Variants in TRAK1 observed in about 807,000 individuals in gnomAD.
TRAK1 encodes trafficking kinesin-binding protein 1.
TRAK1 carries 33 observed loss-of-function variants against 92.1 expected under a neutral mutation model. The observed-to-expected ratio is 0.36, with a 90% confidence interval of 0.27 to 0.48. The LOEUF (loss-of-function observed/expected upper bound fraction) is 0.48, where lower values mean the gene tolerates loss of function less well. TRAK1 is among the 20% of genes least tolerant of loss of function. TRAK1 has a pLI of 0.99. For synonymous variants in TRAK1, 521 were observed against 517.3 expected (o/e 1.01, Z -0.10); for missense variants, 1,123 against 1,257.9 (o/e 0.89, Z 1.62).
intron 2 of TRAK1, among the ~76,000 whole-genome samples, chr3:42,167,907 A>G (rs575585819): frequency 6.6e-6 from 1 of 152,270 alleles, no homozygotes; most frequent in Non-Finnish European, 1.5e-5. Flanking sequence ...ACAACAAAAA[A>G]ACCAAGTAAT....
At chr3:42,140,095 T>A (rs922027211) in intron 2 of TRAK1, among the ~76,000 whole-genome samples, 164 of 152,286 alleles carry the variant, frequency 1.1e-3, no homozygotes, top group African/African-American at 3.8e-3. Flanking sequence ...TAATGAGAAC[T>A]ACATCGAGGC....
At chr3:42,159,215 T>C (rs1434030030) in intron 2 of TRAK1, among the ~76,000 whole-genome samples, 1 of 152,136 alleles carries the variant, frequency 6.6e-6, no homozygotes, top group Non-Finnish European at 1.5e-5. Context: ...AAAATTGTTT[T>C]ATGAAGACCT....
chr3:42,083,777 G>A (rs1704539636), upstream of TRAK1, among the ~76,000 whole-genome samples: 1 of 152,054 alleles, frequency 6.6e-6, no homozygotes, highest in Admixed American at 6.5e-5. Flanking sequence ...GGCTAAGGTG[G>A]GAGGATCACC....
upstream of TRAK1, among the ~76,000 whole-genome samples, chr3:42,090,741 G>T (rs114869385): frequency 0.01 from 1,543 of 152,312 alleles, 22 homozygotes; most frequent in African/African-American, 0.036. Flanking sequence ...AGAATGTAGT[G>T]CTGAAACTTC....
chr3:42,025,154 C>T (rs115759150), intron 1 of TRAK1, among the ~76,000 whole-genome samples: 7 of 152,156 alleles, frequency 4.6e-5, no homozygotes, highest in Non-Finnish European at 1.0e-4. Context: ...CTCCCTGCCC[C>T]GCTTTCTGCT....
intron 10 of TRAK1, among the ~76,000 whole-genome samples, chr3:42,195,442 G>A (rs376935241): frequency 1.6e-4 from 25 of 152,348 alleles, no homozygotes; most frequent in Non-Finnish European, 2.6e-4. Flanking sequence ...AATGCTCTCT[G>A]AGGAGAGAAG....
At position 42,223,305 on chromosome 3, in the gene TRAK1, G is replaced by C. The variant is rs1710537844; in HGVS notation, c.2430G>C (p.Leu810=). Residue 810 remains leucine, a synonymous_variant, in exon 16 of 16, where the codon CTG becomes CTC. Transcript: ENST00000327628. This position sits in a 1 kb window ranked among gnomAD's most constrained non-coding sequence, Gnocchi z 6.1. ...CGAGCCCTCCCTACGACAATTTCCT[G>C]GCTTCCAAGCCAGCCAGCTCCATCC... ...KCTSPPYDNF[L]ASKPASSILR... is the part of the protein sequence containing the mutation. The C allele has an allele frequency of 6.2e-7, 1 of 1,614,054 alleles. No individual in the cohort carries two copies. Among genetic ancestry groups the C allele is most frequent in the South Asian group, 1.1e-5 (1 of 91,082 alleles).
intron 1 of TRAK1, among the ~76,000 whole-genome samples, chr3:42,080,610 C>A (rs547939678): frequency 6.6e-6 from 1 of 152,312 alleles, no homozygotes; most frequent in African/African-American, 2.4e-5. Context: ...AGAGAACATC[C>A]AGGGCAGTGG....
chr3:42,164,396 T>G (rs1701629199), intron 2 of TRAK1, among the ~76,000 whole-genome samples: 1 of 152,244 alleles, frequency 6.6e-6, no homozygotes, highest in Non-Finnish European at 1.5e-5. Flanking sequence ...CTTTCTCATG[T>G]CACTCATTTA....
chr3:42,110,678 G>A (rs968499373), intron 1 of TRAK1, among the ~76,000 whole-genome samples: 1 of 152,180 alleles, frequency 6.6e-6, no homozygotes, highest in East Asian at 1.9e-4. Context: ...TGGCCCAGGA[G>A]GGAGTAGAGG....
At chr3:42,158,787 C>CAAAA (rs149521969) in intron 2 of TRAK1, among the ~76,000 whole-genome samples, 3 of 69,544 alleles carry the variant, frequency 4.3e-5, no homozygotes, top group Admixed American at 3.6e-4. Context: ...ACAAAAAATA[C>CAAAA]AAAAAAAAAA....
intron 14 of TRAK1, among the ~76,000 whole-genome samples, chr3:42,215,289 C>T (rs545509036): frequency 3.3e-5 from 5 of 152,288 alleles, no homozygotes; most frequent in African/African-American, 1.2e-4. Context: ...ATGCAGCTGA[C>T]AGGCAAAGAC....
chr3:42,057,100 G>C (rs1440740087), intron 1 of TRAK1, among the ~76,000 whole-genome samples: 1 of 152,206 alleles, frequency 6.6e-6, no homozygotes, highest in Non-Finnish European at 1.5e-5. Context: ...TGATCATGAA[G>C]ATGGGAACTA....
At chr3:42,020,855 T>G (rs574303107) in intron 1 of TRAK1, among the ~76,000 whole-genome samples, 38 of 152,282 alleles carry the variant, frequency 2.5e-4, no homozygotes, top group African/African-American at 8.7e-4. Flanking sequence ...TTGGGGAGTT[T>G]GGTAATCTGA....
intron 2 of TRAK1, among the ~76,000 whole-genome samples, chr3:42,164,989 T>C (rs1179494569): frequency 1.3e-5 from 2 of 152,244 alleles, no homozygotes; most frequent in Non-Finnish European, 2.9e-5. Context: ...TTTCTTTTTC[T>C]TAAATGAAAT....
At chr3:42,113,745 G>A (rs902200616) in intron 1 of TRAK1, among the ~76,000 whole-genome samples, 2 of 151,844 alleles carry the variant, frequency 1.3e-5, no homozygotes, top group Non-Finnish European at 2.9e-5. Context: ...ATAGAGACGG[G>A]ATCTCACTAT....
At chr3:42,134,254 C>T (rs1454827015) in intron 2 of TRAK1, among the ~76,000 whole-genome samples, 2 of 140,616 alleles carry the variant, frequency 1.4e-5, no homozygotes, top group African/African-American at 5.2e-5. Context: ...CCCTTTCCTC[C>T]TTTCTTCCTT....
Position 42,092,711 on chromosome 3 carries a change from G to GTGTTGTGTTATGTTATGTTATGTTA in TRAK1, c.91+1155_91+1156insGTGTTATGTTATGTTATGTTATGTT, listed in dbSNP as rs1400587515. Among the ~76,000 whole-genome samples, 419 of 101,022 alleles carry GTGTTGTGTTATGTTATGTTATGTTA rather than the reference G, an allele frequency of 4.1e-3. 2 individuals carry two copies. The highest frequency in any genetic ancestry group is 8.6e-3 in the East Asian group (31 of 3,622). 66.3% of individuals were successfully genotyped at this position (101,022 alleles called of 152,430 possible). A position where few individuals can be genotyped will look rare whatever the true frequency, so the allele number is the denominator to read the frequency against. ...GTGTTGTGTTGTGTTGTGTTGTGTT[G>GTGTTGTGTTATGTTATGTTATGTTA]TGTTATGTTATGTTATGTTATGTTA... On this transcript the variant is annotated intron_variant, in intron 1 of 15. Coordinates refer to ENST00000327628, the MANE Select transcript of TRAK1 (RefSeq NM_001042646.3).
chr3:42,169,982 A>G (rs1702348471), intron 2 of TRAK1, among the ~76,000 whole-genome samples: 1 of 152,204 alleles, frequency 6.6e-6, no homozygotes, highest in African/African-American at 2.4e-5. Flanking sequence ...GACAGTCCGT[A>G]CGAGAAGGAA....
Sources: gnomAD v4.1 joint callset for allele counts (sites outside exome capture counted in the v4.1 genomes callset) on GRCh38, gnomAD v4.1.1 for gene constraint, Gnocchi (gnomAD v3.1) non-coding constraint, MANE v1.5 for transcripts, NCBI Gene and HGNC (gene_info 2026-07-23, HGNC 2026-07-21) for gene names.